NTRK2: variants seen among roughly 807,000 people sequenced by gnomAD.
NTRK2 encodes BDNF/NT-3 growth factors receptor.
A neutral mutation model predicts 94.5 loss-of-function variants in NTRK2; 13 were observed. The ratio of observed to expected loss-of-function variants is 0.14; its 90% CI spans 0.09 to 0.22. The LOEUF (loss-of-function observed/expected upper bound fraction) is 0.22, where lower values mean the gene tolerates loss of function less well. Ranked by LOEUF, NTRK2 falls within the 10% of genes least tolerant of loss-of-function variation. The probability of loss-of-function intolerance (pLI) is 1.00; values close to 1 mark genes in which losing one functional copy is unlikely to be tolerated. For synonymous variants in NTRK2, 372 were observed against 407.4 expected (o/e 0.91, Z 1.05); for missense variants, 639 against 1,071.2 (o/e 0.60, Z 5.63).
intron 2 of NTRK2, among the ~76,000 whole-genome samples, chr9:84,671,412 C>T (rs1048303100): frequency 1.3e-5 from 2 of 152,126 alleles, no homozygotes; most frequent in Non-Finnish European, 2.9e-5. Context: ...AAGTGACAGT[C>T]TCTCCCTTAA....
chr9:84,675,323 CCTTTTTTTT>C, intron 2 of NTRK2, among the ~76,000 whole-genome samples: 1 of 69,580 alleles, frequency 1.4e-5, no homozygotes, highest in African/African-American at 5.6e-5. Context: ...TTCTTTCTTT[CCTTTTTTTT>C]TTTTTTTTTT....
intron 11 of NTRK2, among the ~76,000 whole-genome samples, chr9:84,748,666 C>T (rs2064308708): frequency 6.6e-6 from 1 of 152,146 alleles, no homozygotes; most frequent in South Asian, 2.1e-4. Context: ...TCTAACCTCC[C>T]CCATCGCAGT....
At chr9:84,872,885 T>G in intron 14 of NTRK2, 2 of 1,065,412 alleles carry the variant, frequency 1.9e-6, no homozygotes. Context: ...GCACCCATTC[T>G]GCTCCCCTCA....
chr9:84,811,879 CT>C, intron 12 of NTRK2: 4 of 1,064,432 alleles, frequency 3.8e-6, no homozygotes, highest in Non-Finnish European at 4.6e-6. Context: ...AGGCAGTATG[CT>C]TGTCCTGAAG....
chr9:84,814,932 G>T lies in NTRK2; in HGVS notation c.1397-46108G>T, dbSNP rs570630669. ...TAAGTGTGTTCTGCTATGTTCACAT[G>T]CCTGTAGTACCTGCAAACCATGCCA... On this transcript the variant is annotated intron_variant, in intron 12 of 18. Coordinates refer to ENST00000277120, the MANE Select transcript of NTRK2 (RefSeq NM_006180.6). 17 of 1,059,978 alleles carry T rather than the reference G, an allele frequency of 1.6e-5. No homozygotes were observed. In the South Asian group the frequency reaches 7.8e-4, roughly 48 times the overall value. 65.7% of individuals were successfully genotyped at this position (1,059,978 alleles called of 1,614,324 possible). A position where few individuals can be genotyped will look rare whatever the true frequency, so the allele number is the denominator to read the frequency against.
chr9:84,840,170 T>C (rs918858542), intron 12 of NTRK2, among the ~76,000 whole-genome samples: 51 of 152,222 alleles, frequency 3.4e-4, no homozygotes, highest in African/African-American at 1.2e-3. Flanking sequence ...CTGGCGTCAG[T>C]CATGCTCTCA....
chr9:84,839,300 G>T (rs767779406), intron 12 of NTRK2, among the ~76,000 whole-genome samples: 1 of 152,136 alleles, frequency 6.6e-6, no homozygotes, highest in African/African-American at 2.4e-5. Context: ...CTTTTAATTG[G>T]CCTGTCTTGT....
At chr9:84,911,654 C>G (rs1243080054) in intron 14 of NTRK2, among the ~76,000 whole-genome samples, 1 of 152,004 alleles carries the variant, frequency 6.6e-6, no homozygotes, top group African/African-American at 2.4e-5. Context: ...CTCTTATTTT[C>G]TTTGTATTAC....
At chr9:84,672,095 A>G (rs2131284282) in intron 2 of NTRK2, among the ~76,000 whole-genome samples, 1 of 152,314 alleles carries the variant, frequency 6.6e-6, no homozygotes, top group South Asian at 2.1e-4. Flanking sequence ...TCGAGTGCGC[A>G]TGCATTTTTC....
At chr9:84,860,506 G>C (rs1182573661) in intron 12 of NTRK2, among the ~76,000 whole-genome samples, 1 of 152,030 alleles carries the variant, frequency 6.6e-6, no homozygotes, top group African/African-American at 2.4e-5. Flanking sequence ...ACTCTCCCAC[G>C]GGATTTTGTG....
At chr9:85,013,590 C>G (rs1260521492) in intron 17 of NTRK2, among the ~76,000 whole-genome samples, 1 of 152,164 alleles carries the variant, frequency 6.6e-6, no homozygotes, top group Non-Finnish European at 1.5e-5. Context: ...CTGTTTTTAA[C>G]CTCCTTTTAC....
rs1365579909 is a variant in NTRK2 at position 84,877,394 on chromosome 9, A to G, written c.1633+9963A>G. The G allele has an allele frequency of 1.1e-5, 12 of 1,065,884 alleles. No homozygotes were observed. The South Asian group carries it at 4.1e-4, about 36-fold the overall frequency. The allele number at this position is 1,065,884 out of a possible 1,614,324, so 66.0% of individuals were successfully genotyped here. A position where few individuals can be genotyped will look rare whatever the true frequency, so the allele number is the denominator to read the frequency against. ...AGTTCATATGGTCCCCATGCCATCT[A>G]TTTACTTTTGGAGAGAGGGGACTTT... On this transcript the variant is annotated intron_variant, in intron 14 of 18. Transcript: ENST00000277120.
At chr9:84,691,206 T>C (rs1291270568) in intron 2 of NTRK2, among the ~76,000 whole-genome samples, 1 of 152,200 alleles carries the variant, frequency 6.6e-6, no homozygotes, top group Non-Finnish European at 1.5e-5. Context: ...AGGAATTTCT[T>C]TTGCAGGAAC....
chr9:84,692,519 G>A (rs1778912), intron 2 of NTRK2, among the ~76,000 whole-genome samples: 73,084 of 142,042 alleles, frequency 0.51, 19,024 homozygotes, highest in East Asian at 0.6. Context: ...CTCCCAGGCT[G>A]GAATCCAATG....
rs1477340129 is a variant in NTRK2 at position 84,699,379 on chromosome 9, T to C, written c.213-2780T>C. Among the ~76,000 whole-genome samples, 8 of 152,292 alleles carry C rather than the reference T, an allele frequency of 5.3e-5. No individual in the cohort carries two copies. The East Asian group carries it at 1.5e-3, about 29-fold the overall frequency. On this transcript the variant is annotated intron_variant, in intron 2 of 18. Coordinates refer to ENST00000277120, the MANE Select transcript of NTRK2 (RefSeq NM_006180.6). ...CAGCTCTTCTGTTGGCCTTTCCATC[T>C]TGACAAGAAGAAAAATGTATTTATT...
At chr9:84,788,626 G>A (rs887805805) in intron 12 of NTRK2, among the ~76,000 whole-genome samples, 1 of 152,174 alleles carries the variant, frequency 6.6e-6, no homozygotes, top group Non-Finnish European at 1.5e-5. Context: ...GTTTGAGTGT[G>A]TGGGATGAGC....
At chr9:84,691,975 G>A (rs1396051916) in intron 2 of NTRK2, among the ~76,000 whole-genome samples, 2 of 152,186 alleles carry the variant, frequency 1.3e-5, no homozygotes, top group African/African-American at 4.8e-5. Flanking sequence ...CATATTGACC[G>A]ATGTTAGAGT....
chr9:84,758,138 A>T (rs2065236406), intron 12 of NTRK2, among the ~76,000 whole-genome samples: 1 of 151,664 alleles, frequency 6.6e-6, no homozygotes, highest in Non-Finnish European at 1.5e-5. Context: ...ATATATATAT[A>T]TTTATTTATT....
intron 12 of NTRK2, among the ~76,000 whole-genome samples, chr9:84,848,931 T>G (rs1190185062): frequency 6.6e-6 from 1 of 152,196 alleles, no homozygotes; most frequent in Non-Finnish European, 1.5e-5. Flanking sequence ...GAGTGACTTT[T>G]TATAAACTTC....
Sources: gnomAD v4.1 joint callset for allele counts (sites outside exome capture counted in the v4.1 genomes callset) on GRCh38, gnomAD v4.1.1 for gene constraint, MANE v1.5 for transcripts, NCBI Gene and HGNC (gene_info 2026-07-23, HGNC 2026-07-21) for gene names.